ANXA9: variants seen among roughly 807,000 people sequenced by gnomAD.
ANXA9 encodes annexin A9, also known as annexin 31.
In ANXA9, 47 loss-of-function variants were observed where a neutral mutation model predicts 51.8. The observed-to-expected ratio is 0.91, with a 90% CI of 0.72 to 1.16. The LOEUF (loss-of-function observed/expected upper bound fraction) is 1.16, where lower values mean the gene tolerates loss of function less well. ANXA9 is among the 50% of genes most tolerant of loss of function. The probability of loss-of-function intolerance (pLI) is 0.00; values close to 1 mark genes in which losing one functional copy is unlikely to be tolerated. For synonymous variants in ANXA9, 154 were observed against 168.7 expected (o/e 0.91, Z 0.68); for missense variants, 361 against 424.7 (o/e 0.85, Z 1.32).
At chr1:150,983,722 A>T (rs991593830) in intron 4 of ANXA9, among the ~76,000 whole-genome samples, 1 of 152,166 alleles carries the variant, frequency 6.6e-6, no homozygotes, top group Non-Finnish European at 1.5e-5. Flanking sequence ...CATCTAGGTC[A>T]GCCGATCCCC....
intron 12 of ANXA9, among the ~76,000 whole-genome samples, chr1:150,992,973 C>T (rs1018317969): frequency 3.3e-5 from 5 of 152,120 alleles, no homozygotes; most frequent in Admixed American, 6.6e-5. Context: ...ATGAAGTAGA[C>T]ATTAGGTCCA....
At chr1:150,993,319 CT>C (rs71580350) in intron 12 of ANXA9, among the ~76,000 whole-genome samples, 3 of 150,572 alleles carry the variant, frequency 2.0e-5, no homozygotes, top group East Asian at 1.9e-4. Flanking sequence ...CTTTTCTTTT[CT>C]TTTTTTTTGA....
intron 9 of ANXA9, 98 bp from the exon 10 acceptor site, chr1:150,987,774 C>A: frequency 3.2e-6 from 3 of 939,418 alleles, no homozygotes; most frequent in Non-Finnish European, 4.9e-6. Context: ...CCATTTCCAT[C>A]ATGATGATGA....
At chr1:150,980,890 T>C (rs1284935208), upstream of ANXA9, among the ~76,000 whole-genome samples, 1 of 880 alleles carries the variant, frequency 1.1e-3, no homozygotes, top group Admixed American at 0.05. Flanking sequence ...CATTACCTTA[T>C]TTATTTATTT....
upstream of ANXA9, among the ~76,000 whole-genome samples, chr1:150,981,405 G>A (rs587687315): frequency 4.2e-4 from 64 of 152,318 alleles, no homozygotes; most frequent in South Asian, 0.013. Flanking sequence ...AGGCAGGAAA[G>A]AGGCTGTGTT....
chr1:150,980,825 C>T (rs780702303), upstream of ANXA9, among the ~76,000 whole-genome samples: 2 of 152,084 alleles, frequency 1.3e-5, no homozygotes, highest in Admixed American at 6.5e-5. Context: ...ATGATCCACC[C>T]GCCTCGGCCT....
At chr1:150,979,305 G>C (rs965599783), upstream of ANXA9, among the ~76,000 whole-genome samples, 1 of 151,940 alleles carries the variant, frequency 6.6e-6, no homozygotes, top group Non-Finnish European at 1.5e-5. Flanking sequence ...GAAACAGGAG[G>C]CCTCACGCTT....
chr1:150,979,256 C>T (rs1023953946), upstream of ANXA9, among the ~76,000 whole-genome samples: 30 of 151,868 alleles, frequency 2.0e-4, no homozygotes, highest in African/African-American at 7.3e-4. Flanking sequence ...TTCAGCCTGG[C>T]ATGCCGGCCA....
intron 12 of ANXA9, among the ~76,000 whole-genome samples, chr1:150,993,328 T>G (rs1351212219): frequency 6.6e-6 from 1 of 152,168 alleles, no homozygotes; most frequent in Non-Finnish European, 1.5e-5. Flanking sequence ...TCTTTTTTTT[T>G]GAGACGGAGT....
upstream of ANXA9, among the ~76,000 whole-genome samples, chr1:150,979,731 G>A (rs1198141634): frequency 6.6e-6 from 1 of 152,154 alleles, no homozygotes; most frequent in Non-Finnish European, 1.5e-5. Flanking sequence ...AGCCAAGATC[G>A]GAATTCTTAA....
At chr1:150,977,555 G>A (rs2102780255), upstream of ANXA9, among the ~76,000 whole-genome samples, 1 of 152,360 alleles carries the variant, frequency 6.6e-6, no homozygotes, top group African/African-American at 2.4e-5. Context: ...GTCCCAAGGA[G>A]AGGACAGGCC....
At chr1:150,979,385 G>A (rs911225311), upstream of ANXA9, among the ~76,000 whole-genome samples, 1 of 152,040 alleles carries the variant, frequency 6.6e-6, no homozygotes, top group African/African-American at 2.4e-5. Context: ...AAAGCCGAGG[G>A]CCAGGGGGAC....
Position 150,984,647 on chromosome 1 carries a change from T to G in ANXA9, c.443T>G (p.Leu148Arg), listed in dbSNP as rs1671503428. 6.2e-7 allele frequency: 1 copy of G among 1,614,060 alleles called. No homozygotes were observed. The highest frequency in any genetic ancestry group is 8.5e-7 in the Non-Finnish European group (1 of 1,179,982). The part of the protein sequence containing the change: ...EILATRTPPQ[L>R]QECLAVYKHN... ...CTTGCCACTCGAACCCCACCCCAGCTGCAGGAGTGCCTGGCAGTCTACAAA... is the reference window on the plus strand; with the variant it reads ...CTTGCCACTCGAACCCCACCCCAGCGGCAGGAGTGCCTGGCAGTCTACAAA... Residue 148 changes from leucine to arginine, a missense_variant, in exon 7 of 14, where the codon CTG (leucine) becomes CGG (arginine). By Grantham distance (102) the Leu-to-Arg change is moderately radical. Coordinates refer to ENST00000368947, the MANE Select transcript of ANXA9 (RefSeq NM_003568.3).
chr1:150,989,185 G>T (rs1422857044), intron 12 of ANXA9, among the ~76,000 whole-genome samples: 3 of 151,596 alleles, frequency 2.0e-5, no homozygotes, highest in Non-Finnish European at 4.4e-5. Context: ...CACCATGTTG[G>T]TCAGGCTGGT....
At chr1:150,978,275 A>G (rs2102780907), upstream of ANXA9, among the ~76,000 whole-genome samples, 1 of 152,118 alleles carries the variant, frequency 6.6e-6, no homozygotes, top group South Asian at 2.1e-4. Context: ...TACTAAAAAT[A>G]CAAAAATTAG....
upstream of ANXA9, among the ~76,000 whole-genome samples, chr1:150,980,057 G>T: frequency 6.6e-6 from 1 of 152,178 alleles, no homozygotes; most frequent in East Asian, 1.9e-4. Context: ...TTTTGGGGTT[G>T]TCAGGTGAAA....
chr1:150,991,329 C>G (rs193217946), intron 12 of ANXA9, among the ~76,000 whole-genome samples: 2 of 138,042 alleles, frequency 1.4e-5, no homozygotes, highest in African/African-American at 5.4e-5. Context: ...CTCCGCCTCC[C>G]GAGTTCAAGC....
chr1:150,995,249 C>G lies in ANXA9; in HGVS notation c.976-11C>G, dbSNP rs1671823069. ...GTGGATCTTTCTAACACTGAATTCCCTTGTCTGCAGGATGCAGTGAAAGGG... is the reference window on the plus strand; with the variant it reads ...GTGGATCTTTCTAACACTGAATTCCGTTGTCTGCAGGATGCAGTGAAAGGG... On this transcript the variant is annotated splice_polypyrimidine_tract_variant and intron_variant, in intron 13 of 13. Coordinates refer to ENST00000368947, the MANE Select transcript of ANXA9 (RefSeq NM_003568.3). 6.2e-7 allele frequency: 1 copy of G among 1,608,464 alleles called. No individual in the cohort carries two copies. The highest frequency in any genetic ancestry group is 1.3e-5 in the African/African-American group (1 of 74,750).
intron 7 of ANXA9, among the ~76,000 whole-genome samples, chr1:150,984,921 G>A (rs1338172484): frequency 6.6e-6 from 1 of 151,780 alleles, no homozygotes; most frequent in Non-Finnish European, 1.5e-5. Context: ...CAACACTTTG[G>A]GAGGCTGAGG....
Sources: gnomAD v4.1 joint callset for allele counts (sites outside exome capture counted in the v4.1 genomes callset) on GRCh38, gnomAD v4.1.1 for gene constraint, MANE v1.5 for transcripts, NCBI Gene and HGNC (gene_info 2026-07-23, HGNC 2026-07-21) for gene names.